Variants in RBMS3 observed in about 807,000 individuals in gnomAD.
RBMS3 encodes the protein RNA binding motif single stranded interacting protein 3.
Under a neutral mutation model 66.8 loss-of-function variants are expected in RBMS3, and 27 were observed. The observed-to-expected ratio is 0.40, with a 90% CI of 0.30 to 0.56. The LOEUF (loss-of-function observed/expected upper bound fraction) is 0.56. Ranked by LOEUF, RBMS3 falls within the 20% of genes least tolerant of loss-of-function variation. The pLI is 0.40. For synonymous variants in RBMS3, 188 were observed against 183.0 expected, an observed-to-expected ratio of 1.03 and a Z score of -0.22; for missense variants, 513 against 549.5, an observed-to-expected ratio of 0.93 and a Z score of 0.66.
intron 12 of RBMS3, among the ~76,000 whole-genome samples, chr3:29,956,143 A>G (rs1696027803): frequency 6.6e-6 from 1 of 152,076 alleles, no homozygotes; most frequent in South Asian, 2.1e-4. Flanking sequence ...TTTCCCAACT[A>G]GTTTTCTTTC....
In RBMS3 at chr3:29,686,406, G is replaced by A. The variant is rs548592630; in HGVS notation, c.400-53314G>A. Among the ~76,000 whole-genome samples the A allele has an allele frequency of 3.3e-4, 50 of 152,234 alleles. No individual in the cohort carries two copies. In the South Asian group the frequency reaches 8.3e-3, roughly 25 times the overall value. ...TGATATTTTAAACAAAAAATAGGCC[G>A]GGCATGGTGGCTCATGCCTGTAATT... On this transcript the variant is annotated intron_variant, in intron 4 of 14. Coordinates refer to ENST00000383767, the MANE Select transcript of RBMS3 (RefSeq NM_001003793.3).
intron 4 of RBMS3, among the ~76,000 whole-genome samples, chr3:29,665,851 A>G (rs1461383692): frequency 6.6e-6 from 1 of 152,202 alleles, no homozygotes; most frequent in African/African-American, 2.4e-5. Flanking sequence ...AAAGTTTCTA[A>G]TCTTAATTAA....
intron 13 of RBMS3, among the ~76,000 whole-genome samples, chr3:29,988,837 T>C (rs1364872748): frequency 6.6e-6 from 1 of 152,194 alleles, no homozygotes; most frequent in Non-Finnish European, 1.5e-5. Context: ...ACCTACTGCA[T>C]CTGAATTTGC....
chr3:29,949,392 T>C (rs1164532660), intron 12 of RBMS3, among the ~76,000 whole-genome samples: 1 of 151,756 alleles, frequency 6.6e-6, no homozygotes, highest in Non-Finnish European at 1.5e-5. Context: ...CACGTGCAAA[T>C]AAGTGAGCAT....
chr3:30,006,669 G>A lies in RBMS3; in HGVS notation c.*2807G>A, dbSNP rs1699810744. ...CTCTAAACTCTTTTTGTATAAATAAGGATTATCCTGGGCATAATTCATTTG... is the reference window on the plus strand; with the variant it reads ...CTCTAAACTCTTTTTGTATAAATAAAGATTATCCTGGGCATAATTCATTTG... On this transcript the variant is annotated 3_prime_UTR_variant, in exon 15 of 15. Coordinates refer to ENST00000383767, the MANE Select transcript of RBMS3 (RefSeq NM_001003793.3). The A allele has an allele frequency of 6.6e-6, 1 of 151,688 alleles. No homozygotes were observed. Among genetic ancestry groups the A allele is most frequent in the Non-Finnish European group, 1.5e-5 (1 of 67,838 alleles). 9.4% of individuals were successfully genotyped at this position (151,688 alleles called of 1,614,324 possible).
chr3:29,594,461 A>G (rs978062573), intron 4 of RBMS3, among the ~76,000 whole-genome samples: 4 of 152,174 alleles, frequency 2.6e-5, no homozygotes, highest in East Asian at 1.9e-4. Flanking sequence ...TGCTTTTAAC[A>G]TAGTTCATTA....
At chr3:29,332,059 T>C (rs1403452787) in intron 1 of RBMS3, among the ~76,000 whole-genome samples, 1 of 152,062 alleles carries the variant, frequency 6.6e-6, no homozygotes, top group East Asian at 1.9e-4. Flanking sequence ...GGTTGCTGCC[T>C]TCTACTGATG....
intron 4 of RBMS3, among the ~76,000 whole-genome samples, chr3:29,685,180 T>C (rs997124108): frequency 2.0e-5 from 3 of 152,034 alleles, no homozygotes; most frequent in Non-Finnish European, 4.4e-5. Flanking sequence ...TGCCTCAGCC[T>C]CCCGAGTAGC....
chr3:29,898,352 G>A (rs1279468462), intron 9 of RBMS3, among the ~76,000 whole-genome samples: 2 of 151,622 alleles, frequency 1.3e-5, no homozygotes, highest in Admixed American at 1.3e-4. Flanking sequence ...GTATGCATGT[G>A]CTTCTTGAAT....
intron 4 of RBMS3, among the ~76,000 whole-genome samples, chr3:29,735,018 G>C (rs1474955714): frequency 1.3e-5 from 2 of 152,074 alleles, no homozygotes; most frequent in African/African-American, 4.8e-5. Flanking sequence ...CATCAAATGT[G>C]AATGTTAGCA....
chr3:29,642,684 T>C (rs2049767145), intron 4 of RBMS3: 1 of 152,084 alleles, frequency 6.6e-6, no homozygotes. Context: ...TTCTTTATTC[T>C]CATTCTCTTC....
At chr3:29,345,432 T>A (rs900001755) in intron 1 of RBMS3, among the ~76,000 whole-genome samples, 1 of 149,124 alleles carries the variant, frequency 6.7e-6, no homozygotes, top group Non-Finnish European at 1.5e-5. Flanking sequence ...GGAGGAGGAT[T>A]TTTTTTTCCC....
intron 6 of RBMS3, among the ~76,000 whole-genome samples, chr3:29,781,120 C>T (rs1208292019): frequency 6.8e-6 from 1 of 146,800 alleles, no homozygotes; most frequent in Non-Finnish European, 1.5e-5. Context: ...CCCCCCTCCC[C>T]CGAGAATAGT....
intron 1 of RBMS3, among the ~76,000 whole-genome samples, chr3:29,297,417 A>C (rs1330232008): frequency 6.6e-6 from 1 of 151,868 alleles, no homozygotes; most frequent in Non-Finnish European, 1.5e-5. Flanking sequence ...TTGATACGTG[A>C]ATATAATGGA....
intron 6 of RBMS3, among the ~76,000 whole-genome samples, chr3:29,806,658 A>G (rs967169617): frequency 1.3e-5 from 2 of 151,934 alleles, no homozygotes; most frequent in Non-Finnish European, 2.9e-5. Flanking sequence ...TCTCTTCACT[A>G]TGTCTGTTCA....
intron 2 of RBMS3, among the ~76,000 whole-genome samples, chr3:29,472,813 C>T (rs994174914): frequency 6.6e-6 from 1 of 152,098 alleles, no homozygotes; most frequent in Non-Finnish European, 1.5e-5. Flanking sequence ...AGATTTATTG[C>T]AAAGAGCGAA....
chr3:29,966,564 A>G (rs1251557215), intron 12 of RBMS3, among the ~76,000 whole-genome samples: 1 of 152,182 alleles, frequency 6.6e-6, no homozygotes, highest in East Asian at 1.9e-4. Flanking sequence ...AAACTGCTGA[A>G]TTCTTTGATC....
At chr3:29,349,286 A>G (rs1181400271) in intron 1 of RBMS3, among the ~76,000 whole-genome samples, 1 of 152,018 alleles carries the variant, frequency 6.6e-6, no homozygotes, top group Non-Finnish European at 1.5e-5. Context: ...CTACAGTCGT[A>G]CTCTCTCTAT....
chr3:29,924,416 G>A (rs1452132133), intron 10 of RBMS3, among the ~76,000 whole-genome samples: 2 of 151,822 alleles, frequency 1.3e-5, no homozygotes, highest in Non-Finnish European at 2.9e-5. Flanking sequence ...CTACATTGAA[G>A]AGGTAGGATT....
Sources: gnomAD v4.1 joint callset for allele counts (sites outside exome capture counted in the v4.1 genomes callset) on GRCh38, gnomAD v4.1.1 for gene constraint, MANE v1.5 for transcripts, NCBI Gene and HGNC (gene_info 2026-07-23, HGNC 2026-07-21) for gene names.